CEP128: variants seen among roughly 807,000 people sequenced by gnomAD.
CEP128 encodes centrosomal protein 128kDa.
In CEP128, 132 loss-of-function variants were observed where a neutral mutation model predicts 156.7. That is an observed-to-expected ratio of 0.84 (90% CI 0.73 to 0.97). The LOEUF is 0.97. Among genes scored for constraint, CEP128 ranks in the 50% least tolerant of loss-of-function variants. CEP128 has a pLI of 0.00. For missense variants in CEP128, 1,252 were observed against 1,281.9 expected (o/e 0.98, Z 0.36); for synonymous variants, 469 against 448.9 (o/e 1.04, Z -0.57).
At chr14:80,731,976 G>A (rs1898292926) in intron 19 of CEP128, among the ~76,000 whole-genome samples, 2 of 152,046 alleles carry the variant, frequency 1.3e-5, no homozygotes, top group African/African-American at 4.8e-5. Flanking sequence ...AAATTATAGG[G>A]GAGTGTAGCT....
chr14:80,891,331 A>G (rs1889088287), intron 8 of CEP128, among the ~76,000 whole-genome samples: 1 of 152,162 alleles, frequency 6.6e-6, no homozygotes, highest in Non-Finnish European at 1.5e-5. Context: ...AGAATAAATA[A>G]AGAAAATGTG....
intron 23 of CEP128, among the ~76,000 whole-genome samples, chr14:80,520,393 T>C (rs550628604): frequency 1.3e-5 from 2 of 151,536 alleles, no homozygotes; most frequent in South Asian, 4.2e-4. Context: ...CACTCCAGCC[T>C]GGGTGACAGA....
intron 19 of CEP128, among the ~76,000 whole-genome samples, chr14:80,667,845 G>A (rs375365971): frequency 1.1e-4 from 13 of 123,142 alleles, no homozygotes; most frequent in South Asian, 5.0e-4. Flanking sequence ...GCAACAGAGC[G>A]AGACTCCATC....
intron 13 of CEP128, among the ~76,000 whole-genome samples, chr14:80,799,730 T>C (rs1009474627): frequency 6.6e-6 from 1 of 152,148 alleles, no homozygotes; most frequent in South Asian, 2.1e-4. Flanking sequence ...CCTGGTCTCC[T>C]GCAGTACCCT....
chr14:80,782,294 C>T (rs1465526055), intron 15 of CEP128, among the ~76,000 whole-genome samples: 2 of 152,210 alleles, frequency 1.3e-5, no homozygotes, highest in East Asian at 3.9e-4. Flanking sequence ...CATCGCACAA[C>T]AGCAACCACT....
intron 19 of CEP128, among the ~76,000 whole-genome samples, chr14:80,717,317 G>T (rs951042846): frequency 6.6e-6 from 1 of 152,090 alleles, no homozygotes; most frequent in African/African-American, 2.4e-5. Context: ...CCCAAAAAAA[G>T]AAGTTCTTCA....
intron 9 of CEP128, among the ~76,000 whole-genome samples, chr14:80,856,901 T>C (rs228111): frequency 0.32 from 48,837 of 150,496 alleles, 8,769 homozygotes; most frequent in Non-Finnish European, 0.4. Context: ...AATTTTTTTG[T>C]TGCTGTTGTT....
At chr14:80,834,525 T>C (rs918631651) in intron 12 of CEP128, among the ~76,000 whole-genome samples, 50 of 152,144 alleles carry the variant, frequency 3.3e-4, no homozygotes, top group Admixed American at 3.1e-3. Flanking sequence ...ATCTAAGTAT[T>C]CTGTAAAGAT....
chr14:80,713,419 G>T (rs893062400), intron 19 of CEP128, among the ~76,000 whole-genome samples: 4 of 151,804 alleles, frequency 2.6e-5, no homozygotes, highest in Admixed American at 6.6e-5. Flanking sequence ...ATGACTTTGT[G>T]TGTAGGCTGT....
At chr14:80,681,340 C>G (rs1043840666) in intron 19 of CEP128, among the ~76,000 whole-genome samples, 1 of 152,144 alleles carries the variant, frequency 6.6e-6, no homozygotes, top group African/African-American at 2.4e-5. Context: ...ACTGGCACCA[C>G]GAAAAATCTG....
At chr14:80,628,689 C>A (rs1045277485) in intron 19 of CEP128, among the ~76,000 whole-genome samples, 1 of 152,242 alleles carries the variant, frequency 6.6e-6, no homozygotes, top group African/African-American at 2.4e-5. Context: ...GAGAGTAACA[C>A]AATCTTTTGG....
chr14:80,838,256 G>A lies in CEP128; in HGVS notation c.872C>T (p.Ser291Phe), dbSNP rs750701191. The A allele has an allele frequency of 5.0e-6, 8 of 1,613,278 alleles. No homozygotes were observed. In the South Asian group the frequency reaches 7.7e-5, roughly 16 times the overall value. Reference sequence around the variant, plus strand: ...TTCTGATTGATTCAATAACCTTCGAGATAGCTCCAATTCCTGTTCAAGCTA... The same window carrying A: ...TTCTGATTGATTCAATAACCTTCGAAATAGCTCCAATTCCTGTTCAAGCTA... ...KNQLEQELEL[S>F]RRLLNQSEGS... Residue 291 changes from serine (S) to phenylalanine (F), a missense_variant, in exon 11 of 25, where the codon TCT becomes TTT. By Grantham distance (155) the Ser-to-Phe change is radical. Transcript: ENST00000555265.
chr14:80,706,780 T>G (rs1020874827), intron 19 of CEP128, among the ~76,000 whole-genome samples: 3 of 152,076 alleles, frequency 2.0e-5, no homozygotes, highest in Non-Finnish European at 2.9e-5. Context: ...AAACATTGAG[T>G]CTTTTGTTAT....
At chr14:80,835,007 G>C (rs1217730335) in intron 12 of CEP128, among the ~76,000 whole-genome samples, 2 of 152,158 alleles carry the variant, frequency 1.3e-5, no homozygotes, top group African/African-American at 2.4e-5. Context: ...GAACGGCTTG[G>C]TGTCCTTCTT....
intron 19 of CEP128, among the ~76,000 whole-genome samples, chr14:80,600,020 G>A (rs1459207913): frequency 2.0e-5 from 3 of 152,138 alleles, no homozygotes; most frequent in South Asian, 2.1e-4. Flanking sequence ...GAGGCTCTAC[G>A]ATGTCATCAG....
chr14:80,513,968 G>A (rs1057226573), intron 23 of CEP128, among the ~76,000 whole-genome samples: 1 of 151,946 alleles, frequency 6.6e-6, no homozygotes, highest in African/African-American at 2.4e-5. Context: ...ACCTTTTAAC[G>A]ATCTGAATAG....
rs146339659 is a variant in CEP128 at position 80,853,509 on chromosome 14, A to T, written c.762+9248T>A. Among the ~76,000 whole-genome samples, 877 of 122,796 alleles carry T rather than the reference A, an allele frequency of 7.1e-3. 7 individuals are homozygous for T. The highest frequency in any genetic ancestry group is 0.017 in the Middle Eastern group (4 of 238). 80.6% of individuals were successfully genotyped at this position (122,796 alleles called of 152,430 possible). A position where few individuals can be genotyped will look rare whatever the true frequency, so the allele number is the denominator to read the frequency against. On this transcript the variant is annotated intron_variant, in intron 9 of 24. Transcript: ENST00000555265. ...GTATACTAAAAATAACCAATTAGAG[A>T]TGCAATTTTAAAAAAAAATCCCATT... is the stretch of plus-strand genomic sequence containing the variant.
intron 22 of CEP128, among the ~76,000 whole-genome samples, chr14:80,528,289 C>A (rs902979980): frequency 6.6e-6 from 1 of 152,048 alleles, no homozygotes; most frequent in Admixed American, 6.5e-5. Flanking sequence ...AGAGCTGAAA[C>A]AATTCTTTTT....
intron 8 of CEP128, among the ~76,000 whole-genome samples, chr14:80,885,911 T>C (rs1199475224): frequency 2.6e-5 from 4 of 152,054 alleles, no homozygotes. Flanking sequence ...CTTACTAGAA[T>C]AACCAGTTTA....
Sources: allele counts gnomAD v4.1 joint callset (sites outside exome capture counted in the v4.1 genomes callset), GRCh38; gene constraint gnomAD v4.1.1; transcripts MANE v1.5; gene names NCBI Gene and HGNC (gene_info 2026-07-23, HGNC 2026-07-21).